Variants in GPHN observed in about 807,000 individuals in gnomAD.
The protein encoded by GPHN is gephyrin.
GPHN carries 17 observed loss-of-function variants against 95.5 expected under a neutral mutation model. The ratio of observed to expected loss-of-function variants is 0.18; its 90% CI spans 0.12 to 0.27. The LOEUF is 0.27. Among genes scored for constraint, GPHN ranks in the 10% least tolerant of loss-of-function variants. The pLI is 1.00. For synonymous variants in GPHN, 320 were observed against 322.5 expected (o/e 0.99, Z 0.08); for missense variants, 660 against 978.1 (o/e 0.67, Z 4.34).
intron 2 of GPHN, among the ~76,000 whole-genome samples, chr14:66,767,006 A>C (rs913398895): frequency 1.3e-5 from 2 of 152,180 alleles, no homozygotes; most frequent in Non-Finnish European, 2.9e-5. Flanking sequence ...CCTTGGTCCT[A>C]ATCCTCTCCT....
chr14:67,315,416 A>G, the GPHN span, among the ~76,000 whole-genome samples: 1 of 151,444 alleles, frequency 6.6e-6, no homozygotes, highest in Non-Finnish European at 1.5e-5. Context: ...AGCTGGGACT[A>G]CAGGTGCCCA....
chr14:66,882,082 A>G (rs1006465588), intron 5 of GPHN, among the ~76,000 whole-genome samples: 34 of 151,766 alleles, frequency 2.2e-4, no homozygotes, highest in African/African-American at 8.0e-4. Context: ...CAGCCTTTCT[A>G]TTTTGTATGC....
the GPHN span, among the ~76,000 whole-genome samples, chr14:67,674,027 G>GACT: frequency 6.6e-6 from 1 of 152,150 alleles, no homozygotes; most frequent in Non-Finnish European, 1.5e-5. Context: ...CCTGTCTTGA[G>GACT]ACTAGTGCTT....
intron 4 of GPHN, among the ~76,000 whole-genome samples, chr14:66,854,234 T>G (rs1252651059): frequency 6.6e-6 from 1 of 152,204 alleles, no homozygotes; most frequent in East Asian, 1.9e-4. Context: ...ATTAGTGTAA[T>G]CTTCAGTCTC....
chr14:67,329,877 A>AATAG, the GPHN span, among the ~76,000 whole-genome samples: 51 of 86,850 alleles, frequency 5.9e-4, no homozygotes, highest in Admixed American at 3.7e-3. Context: ...TAAATAAATA[A>AATAG]ATAGATATAG....
the GPHN span, among the ~76,000 whole-genome samples, chr14:67,469,471 GATGGTGGTCTCTGTATGTTGCCC>G: frequency 7.1e-5 from 8 of 112,608 alleles, no homozygotes; most frequent in Middle Eastern, 8.3e-3. Context: ...TTTTTGTAGA[GATGGTGGTCTCTGTATGTTGCCC>G]AGGCTGGTCT....
the GPHN span, among the ~76,000 whole-genome samples, chr14:67,545,519 G>A: frequency 6.6e-6 from 1 of 152,080 alleles, no homozygotes; most frequent in Non-Finnish European, 1.5e-5. Flanking sequence ...TACAGATAGG[G>A]ACAAGAAAAT....
chr14:66,935,217 A>G (rs989734955), intron 8 of GPHN, among the ~76,000 whole-genome samples: 1 of 152,172 alleles, frequency 6.6e-6, no homozygotes, highest in Admixed American at 6.5e-5. Flanking sequence ...AATTTAAGAC[A>G]AAGAGGGAAG....
the GPHN span, among the ~76,000 whole-genome samples, chr14:67,535,730 G>T: frequency 6.6e-6 from 1 of 152,018 alleles, no homozygotes; most frequent in Non-Finnish European, 1.5e-5. Context: ...AGATGCTATT[G>T]GTTTGCCTTT....
At chr14:67,723,666 A>C in the GPHN span, among the ~76,000 whole-genome samples, 1 of 152,236 alleles carries the variant, frequency 6.6e-6, no homozygotes, top group Non-Finnish European at 1.5e-5. Flanking sequence ...CCTGAGCCTC[A>C]GTTTTCTCTA....
intron 1 of GPHN, among the ~76,000 whole-genome samples, chr14:66,572,993 C>A (rs1014662265): frequency 2.0e-5 from 3 of 152,114 alleles, no homozygotes; most frequent in African/African-American, 7.2e-5. Flanking sequence ...TATTGAATAA[C>A]CTGTTGCTTA....
the GPHN span, among the ~76,000 whole-genome samples, chr14:67,262,423 TCCC>T: frequency 6.6e-6 from 1 of 152,184 alleles, no homozygotes; most frequent in Non-Finnish European, 1.5e-5. Flanking sequence ...TCCATAATTC[TCCC>T]AGACTCAGTT....
intron 1 of GPHN, among the ~76,000 whole-genome samples, chr14:66,585,771 T>A (rs1366274747): frequency 6.6e-6 from 1 of 151,292 alleles, no homozygotes; most frequent in Non-Finnish European, 1.5e-5. Flanking sequence ...TTATAATTTC[T>A]GTTCTTTTAC....
the GPHN span, among the ~76,000 whole-genome samples, chr14:67,609,980 G>A: frequency 1.3e-5 from 2 of 152,246 alleles, no homozygotes; most frequent in South Asian, 4.1e-4. Flanking sequence ...TCAACCTTGG[G>A]AGGGATGAAG....
the GPHN span, among the ~76,000 whole-genome samples, chr14:67,226,489 T>C: frequency 1.3e-5 from 2 of 152,212 alleles, no homozygotes; most frequent in Admixed American, 1.3e-4. Flanking sequence ...GCCTCCCAAG[T>C]AGCTGGGACT....
the GPHN span, among the ~76,000 whole-genome samples, chr14:67,331,682 A>G: frequency 6.6e-6 from 1 of 152,194 alleles, no homozygotes; most frequent in African/African-American, 2.4e-5. Flanking sequence ...TTTTGGCACA[A>G]AATGGAATAA....
chr14:67,146,052 A>G (rs41525547), intron 18 of GPHN, among the ~76,000 whole-genome samples: 8,201 of 152,256 alleles, frequency 0.054, 228 homozygotes, highest in Middle Eastern at 0.068. Context: ...TAGTACCATT[A>G]GATCTCAAGT....
rs1395798106 is a variant in GPHN, at chr14:67,181,673, A to T, written c.*736A>T. 1 of 231,394 alleles carries T rather than the reference A, an allele frequency of 4.3e-6. No homozygotes were observed. The highest frequency in any genetic ancestry group is 8.8e-6 in the Non-Finnish European group (1 of 113,664). 14.3% of individuals were successfully genotyped at this position (231,394 alleles called of 1,614,324 possible). A position where few individuals can be genotyped will look rare whatever the true frequency, so the allele number is the denominator to read the frequency against. On this transcript the variant is annotated 3_prime_UTR_variant, in exon 23 of 23. Transcript: ENST00000478722. The stretch of plus-strand genomic sequence containing the variant: ...CAAAGACTGATCTTGTACAGATATT[A>T]GTGTTACCAGCATTCATGTGGAAAT...
At chr14:67,569,190 C>A in the GPHN span, 1 of 1,612,754 alleles carries the variant, frequency 6.2e-7, no homozygotes, top group Non-Finnish European at 8.5e-7. Context: ...TCAGATATGT[C>A]TCCCAGAAGT....
Sources: gnomAD v4.1 joint callset for allele counts (sites outside exome capture counted in the v4.1 genomes callset) on GRCh38, gnomAD v4.1.1 for gene constraint, MANE v1.5 for transcripts, NCBI Gene and HGNC (gene_info 2026-07-23, HGNC 2026-07-21) for gene names.